Variants in ZNF804A observed in about 807,000 individuals in gnomAD.
The protein encoded by ZNF804A is zinc finger protein 804A.
Under a neutral mutation model 16.5 loss-of-function variants are expected in ZNF804A, and 2 were observed. The ratio of observed to expected loss-of-function variants is 0.12; its 90% CI spans 0.05 to 0.38. ZNF804A has a LOEUF of 0.38. Ranked by LOEUF, ZNF804A falls within the 10% of genes least tolerant of loss-of-function variation. The probability of loss-of-function intolerance (pLI) is 0.99; values close to 1 mark genes in which losing one functional copy is unlikely to be tolerated. For synonymous variants in ZNF804A, 534 were observed against 489.6 expected (o/e 1.09, Z -1.20); for missense variants, 1,473 against 1,390.7 (o/e 1.06, Z -0.94).
At chr2:184,907,039 C>T (rs1483544775) in intron 2 of ZNF804A, among the ~76,000 whole-genome samples, 1 of 152,136 alleles carries the variant, frequency 6.6e-6, no homozygotes, top group East Asian at 1.9e-4. Context: ...CTGAATCCTG[C>T]CAACAACATG....
At position 184,938,084 on chromosome 2, in the gene ZNF804A, G is replaced by T; in HGVS notation, c.2688G>T (p.Glu896Asp). 1 of 1,614,094 alleles carries T rather than the reference G, an allele frequency of 6.2e-7. No homozygotes were observed. The highest frequency in any genetic ancestry group is 8.5e-7 in the Non-Finnish European group (1 of 1,180,030). The change falls in exon 4 of 4, where the codon GAG becomes GAT. Residue 896 changes from glutamate to aspartate, a missense_variant. Glu to Asp is a conservative substitution (Grantham distance 45). Transcript: ENST00000302277. ...LLPSETNGET[E>D]HLEMETTSGE... is the part of the protein sequence containing the mutation. ...CTTCTGAAACCAATGGTGAAACTGAGCATTTAGAAATGGAGACCACTTCTG... is the reference window on the plus strand; with the variant it reads ...CTTCTGAAACCAATGGTGAAACTGATCATTTAGAAATGGAGACCACTTCTG...
At chr2:184,791,080 G>T (rs1694532533) in intron 1 of ZNF804A, among the ~76,000 whole-genome samples, 1 of 152,074 alleles carries the variant, frequency 6.6e-6, no homozygotes, top group African/African-American at 2.4e-5. Flanking sequence ...GCCAGTAGGT[G>T]GGTCTCTTGT....
At chr2:184,836,621 A>AACATAGATATTATAGGTAGAT (rs1333561044) in intron 1 of ZNF804A, among the ~76,000 whole-genome samples, 4 of 152,008 alleles carry the variant, frequency 2.6e-5, no homozygotes, top group African/African-American at 9.7e-5. Context: ...CTTGGAAATA[A>AACATAGATATTATAGGTAGAT]ACATAGATAT....
At chr2:184,917,463 A>ATG (rs142798576) in intron 2 of ZNF804A, among the ~76,000 whole-genome samples, 22,042 of 151,818 alleles carry the variant, frequency 0.15, 1,729 homozygotes, top group Middle Eastern at 0.24. Flanking sequence ...AAAAACAAAT[A>ATG]TGTGTGTGTG....
intron 1 of ZNF804A, among the ~76,000 whole-genome samples, chr2:184,823,861 T>G (rs1025569129): frequency 2.6e-5 from 4 of 152,188 alleles, no homozygotes; most frequent in Non-Finnish European, 5.9e-5. Context: ...ATCTTCATGA[T>G]TCCAGCAGGT....
intron 1 of ZNF804A, among the ~76,000 whole-genome samples, chr2:184,696,367 T>C (rs1692831358): frequency 6.6e-6 from 1 of 151,992 alleles, no homozygotes; most frequent in South Asian, 2.1e-4. Context: ...AGAATCAAAG[T>C]CTGAAATCTA....
chr2:184,782,647 T>C (rs1347844594), intron 1 of ZNF804A, among the ~76,000 whole-genome samples: 1 of 150,464 alleles, frequency 6.6e-6, no homozygotes, highest in Non-Finnish European at 1.5e-5. Context: ...TTAATATTTA[T>C]TAAGCATATA....
At chr2:184,701,528 A>G (rs1398701822) in intron 1 of ZNF804A, among the ~76,000 whole-genome samples, 2 of 151,914 alleles carry the variant, frequency 1.3e-5, no homozygotes, top group East Asian at 1.9e-4. Flanking sequence ...AAATGAGGTT[A>G]GCTGTTTTGC....
chr2:184,814,591 C>T (rs1006930024), intron 1 of ZNF804A, among the ~76,000 whole-genome samples: 1 of 152,012 alleles, frequency 6.6e-6, no homozygotes, highest in African/African-American at 2.4e-5. Flanking sequence ...ATGGAAAGGT[C>T]ATTGAGAAGA....
chr2:184,618,355 C>T (rs1463969157), intron 1 of ZNF804A, among the ~76,000 whole-genome samples: 2 of 152,020 alleles, frequency 1.3e-5, no homozygotes, highest in Non-Finnish European at 1.5e-5. Flanking sequence ...TTGTTTTTCA[C>T]CTTATTACAG....
intron 2 of ZNF804A, among the ~76,000 whole-genome samples, chr2:184,896,679 T>C (rs941908037): frequency 7.2e-5 from 11 of 152,158 alleles, no homozygotes; most frequent in Admixed American, 2.0e-4. Flanking sequence ...ATGGCAGTTT[T>C]AATTCTTTCT....
chr2:184,823,081 T>C (rs1276372183), intron 1 of ZNF804A, among the ~76,000 whole-genome samples: 1 of 152,082 alleles, frequency 6.6e-6, no homozygotes, highest in African/African-American at 2.4e-5. Context: ...TCACACAGTA[T>C]TGGAGGCTAG....
Position 184,728,519 on chromosome 2 carries a change from T to G in ZNF804A, c.111+129449T>G, listed in dbSNP as rs1001510417. Among the ~76,000 whole-genome samples the G allele has an allele frequency of 2.0e-5, 3 of 151,886 alleles. No homozygotes were observed. In the East Asian group the frequency reaches 5.8e-4, roughly 29 times the overall value. ...CAGCTTTAAGCCTGTGATTTCAGAATGGGTAATAAAGAAGATGATAGGACT... is the reference window on the plus strand; with the variant it reads ...CAGCTTTAAGCCTGTGATTTCAGAAGGGGTAATAAAGAAGATGATAGGACT... On this transcript the variant is annotated intron_variant, in intron 1 of 3. Coordinates refer to ENST00000302277, the MANE Select transcript of ZNF804A (RefSeq NM_194250.2).
At chr2:184,812,226 G>A (rs1230680900) in intron 1 of ZNF804A, among the ~76,000 whole-genome samples, 2 of 152,050 alleles carry the variant, frequency 1.3e-5, no homozygotes, top group Non-Finnish European at 2.9e-5. Flanking sequence ...ATGAAAAATG[G>A]CCATGTCTTT....
intron 1 of ZNF804A, among the ~76,000 whole-genome samples, chr2:184,607,509 T>G (rs1042028345): frequency 6.6e-6 from 1 of 151,940 alleles, no homozygotes; most frequent in Non-Finnish European, 1.5e-5. Context: ...AACCATCAAA[T>G]CTGGTGAGAA....
intron 1 of ZNF804A, among the ~76,000 whole-genome samples, chr2:184,777,509 C>A (rs780828508): frequency 6.6e-6 from 1 of 151,454 alleles, no homozygotes; most frequent in Non-Finnish European, 1.5e-5. Flanking sequence ...TCACTTCTAT[C>A]TTTACCTCAT....
chr2:184,670,605 T>A (rs544807685), intron 1 of ZNF804A, among the ~76,000 whole-genome samples: 4 of 152,238 alleles, frequency 2.6e-5, no homozygotes, highest in African/African-American at 9.6e-5. Flanking sequence ...TTATGAAGAT[T>A]TAACATTTTC....
At chr2:184,603,730 C>T (rs1691086726) in intron 1 of ZNF804A, among the ~76,000 whole-genome samples, 1 of 152,134 alleles carries the variant, frequency 6.6e-6, no homozygotes, top group Non-Finnish European at 1.5e-5. Flanking sequence ...ATCTTCATAC[C>T]TTCCCACTTT....
intron 2 of ZNF804A, among the ~76,000 whole-genome samples, chr2:184,883,613 G>GTTT (rs1684842639): frequency 6.6e-6 from 1 of 151,894 alleles, no homozygotes; most frequent in African/African-American, 2.4e-5. Context: ...CAATCAATTA[G>GTTT]GATTTTTCCC....
Sources: allele counts gnomAD v4.1 joint callset (sites outside exome capture counted in the v4.1 genomes callset), GRCh38; gene constraint gnomAD v4.1.1; transcripts MANE v1.5; gene names NCBI Gene and HGNC (gene_info 2026-07-23, HGNC 2026-07-21).